Variants in NARF observed in about 807,000 individuals in gnomAD.
The protein encoded by NARF is nuclear prelamin A recognition factor.
Under a neutral mutation model 48.0 loss-of-function variants are expected in NARF, and 41 were observed. The ratio of observed to expected loss-of-function variants is 0.85; its 90% CI spans 0.66 to 1.11. The LOEUF (loss-of-function observed/expected upper bound fraction) is 1.11, where lower values mean the gene tolerates loss of function less well. NARF is among the 50% of genes least tolerant of loss of function. The pLI is 0.00. For missense variants in NARF, 613 were observed against 590.2 expected (o/e 1.04, Z -0.40); for synonymous variants, 215 against 225.5 (o/e 0.95, Z 0.42).
At chr17:82,471,269 C>T (rs140100806) in intron 4 of NARF, among the ~76,000 whole-genome samples, 5 of 150,742 alleles carry the variant, frequency 3.3e-5, no homozygotes, top group African/African-American at 4.9e-5. Context: ...TCCTGGCTAA[C>T]GCAGTGAAAC....
Position 82,472,591 on chromosome 17 carries a change from T to C in NARF, c.413T>C (p.Ile138Thr). Residue 138 changes from isoleucine to threonine, a missense_variant, in exon 5 of 11, where the codon ATA (isoleucine) becomes ACA (threonine). Transcript: ENST00000309794. Reference sequence around the variant, plus strand: ...GTGCACTATGTATTTGATACGACGATAGCTGCGGATTTTAGTATCCTGGAG... The same window carrying C: ...GTGCACTATGTATTTGATACGACGACAGCTGCGGATTTTAGTATCCTGGAG... ...LGVHYVFDTT[I>T]AADFSILESQ... 1 of 1,613,534 alleles carries C rather than the reference T, an allele frequency of 6.2e-7. No individual in the cohort carries two copies. Among genetic ancestry groups the C allele is most frequent in the Non-Finnish European group, 8.5e-7 (1 of 1,179,782 alleles).
chr17:82,468,926 T>C, intron 4 of NARF, 30 bp downstream of exon 4: 1 of 1,610,498 alleles, frequency 6.2e-7, no homozygotes, highest in South Asian at 1.1e-5. Context: ...ATTGGGAATG[T>C]ATAACTTGAG....
chr17:82,468,899 G>A lies in NARF; in HGVS notation c.385+3G>A, dbSNP rs1047484857. 5 of 1,612,694 alleles carry A rather than the reference G, an allele frequency of 3.1e-6. No homozygotes were observed. Among genetic ancestry groups the A allele is most frequent in the Middle Eastern group, 1.7e-4 (1 of 6,060 alleles). On this transcript the variant is annotated splice_donor_region_variant and intron_variant, in intron 4 of 10. Transcript: ENST00000309794. ...CTGTGGTTTCCTCAAAAGTCTTGGT[G>A]AGTCATCTTTTGATAAATTGGGAAT...
In NARF at chr17:82,460,138, G is replaced by A. The variant is rs778283828; in HGVS notation, c.108+66G>A. 4.4e-6 allele frequency: 6 copies of A among 1,371,756 alleles called. No homozygotes were observed. In the South Asian group the frequency reaches 7.1e-5, roughly 16 times the overall value. 85.0% of individuals were successfully genotyped at this position (1,371,756 alleles called of 1,614,324 possible). A position where few individuals can be genotyped will look rare whatever the true frequency, so the allele number is the denominator to read the frequency against. ...TACTGCTGCTGTTTTTCTCTTTGGG[G>A]GCTCACAGCACCGTGCACATCACTG... On this transcript the variant is annotated intron_variant, in intron 2 of 10. Transcript: ENST00000309794.
intron 5 of NARF, among the ~76,000 whole-genome samples, chr17:82,476,412 G>C (rs2043833144): frequency 6.6e-6 from 1 of 152,050 alleles, no homozygotes; most frequent in Admixed American, 6.6e-5. Flanking sequence ...AAAGTGCTGG[G>C]ATTACAGCAG....
intron 6 of NARF, chr17:82,480,626 C>T: frequency 2.4e-6 from 1 of 423,344 alleles, no homozygotes; most frequent in Non-Finnish European, 4.2e-6. Flanking sequence ...CACAACAGTC[C>T]CAGCCCCAAG....
chr17:82,475,940 A>AT lies in NARF; in HGVS notation c.521-2859dup, dbSNP rs549625585. ...GTTTGTGGAAGAACAGAATTAAAAG[A>AT]TAAAAAGTATAAACTTTATTTCTCA... On this transcript the variant is annotated intron_variant, in intron 5 of 10. Coordinates refer to ENST00000309794, the MANE Select transcript of NARF (RefSeq NM_012336.4). Among the ~76,000 whole-genome samples the AT allele has an allele frequency of 1.7e-3, 254 of 152,332 alleles. 2 individuals are homozygous for AT. Among genetic ancestry groups the AT allele is most frequent in the Middle Eastern group, 3.4e-3 (1 of 294 alleles).
At position 82,488,181 on chromosome 17, in the gene NARF, G is replaced by A. The variant is rs750954153; in HGVS notation, c.*24G>A. ...GAAGTCAGGCCAGGGCCTTCCAGCT[G>A]CTCTTGGGGCCAGAGCCAAGAGCCT... On this transcript the variant is annotated 3_prime_UTR_variant, in exon 11 of 11. Transcript: ENST00000309794. 1 of 1,607,372 alleles carries A rather than the reference G, an allele frequency of 6.2e-7. No homozygotes were observed. Among genetic ancestry groups the A allele is most frequent in the Non-Finnish European group, 8.5e-7 (1 of 1,175,480 alleles).
At chr17:82,470,940 T>A (rs1368278258) in intron 4 of NARF, among the ~76,000 whole-genome samples, 1 of 146,822 alleles carries the variant, frequency 6.8e-6, no homozygotes, top group East Asian at 2.1e-4. Flanking sequence ...AGGGGGCAGA[T>A]CACCTGAGGT....
chr17:82,459,073 G>C, intron 1 of NARF: 1 of 1,199,268 alleles, frequency 8.3e-7, no homozygotes, highest in East Asian at 3.5e-5. Flanking sequence ...CGCCCGCGAA[G>C]CGCGGAAACG....
At chr17:82,469,399 A>G (rs375871195) in intron 4 of NARF, among the ~76,000 whole-genome samples, 13 of 152,324 alleles carry the variant, frequency 8.5e-5, no homozygotes, top group African/African-American at 2.4e-4. Context: ...TCGGATGTCA[A>G]CGCTGGAATA....
chr17:82,464,484 A>AGG (rs1304068937), intron 3 of NARF, 54 bp downstream of exon 3: 1 of 1,565,444 alleles, frequency 6.4e-7, no homozygotes, highest in East Asian at 2.3e-5. Flanking sequence ...GAGGAAGTGG[A>AGG]GGTGAGGCCT....
Position 82,483,571 on chromosome 17 carries a change from C to A in NARF, c.770-145C>A, listed in dbSNP as rs116726838. ...TTTCATTTTATTGGCCTCACTTTGC[C>A]CTTTAGATGGACTCCTGCTGTGTGT... On this transcript the variant is annotated intron_variant, in intron 7 of 10. Coordinates refer to ENST00000309794, the MANE Select transcript of NARF (RefSeq NM_012336.4). The A allele has an allele frequency of 2.2e-3, 1,452 of 673,804 alleles. 19 individuals carry two copies. The highest frequency in any genetic ancestry group is 0.021 in the African/African-American group (1,155 of 55,692). 41.7% of individuals were successfully genotyped at this position (673,804 alleles called of 1,614,324 possible).
intron 3 of NARF, among the ~76,000 whole-genome samples, chr17:82,464,670 C>T (rs960824287): frequency 1.3e-5 from 2 of 152,270 alleles, no homozygotes; most frequent in African/African-American, 4.8e-5. Context: ...CATCACCCCT[C>T]AGGCTCCTGT....
chr17:82,484,878 C>T lies in NARF; in HGVS notation c.899C>T (p.Ala300Val), dbSNP rs777766636. Reference protein sequence around the residue: ...HDGASSDGHLAHIFRHAAKEL... With the variant: ...HDGASSDGHLVHIFRHAAKEL... The stretch of plus-strand genomic sequence containing the variant: ...GGAGCCAGCTCAGACGGGCACCTGG[C>T]ACACATCTTCAGACATGCGGCCAAG... The change falls in exon 9 of 11, where the codon GCA becomes GTA. Residue 300 changes from alanine (A) to valine (V), a missense_variant. Coordinates refer to ENST00000309794, the MANE Select transcript of NARF (RefSeq NM_012336.4). The T allele has an allele frequency of 7.4e-6, 12 of 1,613,308 alleles. 1 individual carries two copies. The South Asian group carries it at 1.1e-4, about 15-fold the overall frequency.
At chr17:82,461,936 C>T (rs1276158413) in intron 2 of NARF, among the ~76,000 whole-genome samples, 1 of 152,140 alleles carries the variant, frequency 6.6e-6, no homozygotes, top group Non-Finnish European at 1.5e-5. Flanking sequence ...TGGCCACAGG[C>T]AGAAGAGAGG....
At chr17:82,474,127 G>C (rs1053364567) in intron 5 of NARF, among the ~76,000 whole-genome samples, 1 of 152,186 alleles carries the variant, frequency 6.6e-6, no homozygotes, top group African/African-American at 2.4e-5. Context: ...GCTGCAGTGA[G>C]CTATGACTCC....
chr17:82,469,766 C>T (rs1045203347), intron 4 of NARF, among the ~76,000 whole-genome samples: 4 of 151,990 alleles, frequency 2.6e-5, no homozygotes, highest in Non-Finnish European at 4.4e-5. Context: ...CCACCACTCC[C>T]GGCTAATTTT....
In NARF at chr17:82,468,815, T is replaced by C; in HGVS notation, c.304T>C (p.Ser102Pro). The C allele has an allele frequency of 6.2e-7, 1 of 1,614,120 alleles. No individual in the cohort carries two copies. The part of the protein sequence containing the change: ...KVLVVSVCPQ[S>P]LPYFAAKFNL... ...GCTGGTAGTGTCTGTGTGTCCTCAA[T>C]CTTTGCCTTATTTTGCTGCTAAATT... The change falls in exon 4 of 11, where the codon TCT becomes CCT. Residue 102 changes from serine to proline, a missense_variant. Coordinates refer to ENST00000309794, the MANE Select transcript of NARF (RefSeq NM_012336.4).
Sources: gnomAD v4.1 joint callset for allele counts (sites outside exome capture counted in the v4.1 genomes callset) on GRCh38, gnomAD v4.1.1 for gene constraint, MANE v1.5 for transcripts, NCBI Gene and HGNC (gene_info 2026-07-23, HGNC 2026-07-21) for gene names.